Variants in PCDH11Y observed in about 807,000 individuals in gnomAD.
PCDH11Y encodes protocadherin 11 Y-linked.
For missense variants in PCDH11Y, 12 were observed against 224.8 expected (o/e 0.05, Z 6.05); for synonymous variants, 9 against 83.6 (o/e 0.11, Z 4.87).
intron 4 of PCDH11Y, among the ~76,000 whole-genome samples, chrY:5,633,034 T>C: frequency 6.2e-5 from 2 of 32,058 alleles, no homozygotes; most frequent in Non-Finnish European, 1.5e-4. Context: ...TTTAGAACAC[T>C]TTTCCTCACC....
At chrY:5,461,395 A>G in intron 2 of PCDH11Y, among the ~76,000 whole-genome samples, 1 of 33,342 alleles carries the variant, frequency 3.0e-5, no homozygotes, top group African/African-American at 1.2e-4. Flanking sequence ...TCAATAAGTA[A>G]TTTAAGAAAT....
intron 2 of PCDH11Y, among the ~76,000 whole-genome samples, chrY:5,294,592 TTGCATAAACAAA>T (rs2053071033): frequency 3.9e-5 from 1 of 25,808 alleles, no homozygotes; most frequent in Non-Finnish European, 7.9e-5. Flanking sequence ...ATAACACTGA[TTGCATAAACAAA>T]CATGCAAAAA....
intron 3 of PCDH11Y, among the ~76,000 whole-genome samples, chrY:5,557,868 AT>A (rs1336066625): frequency 1.7e-4 from 5 of 29,143 alleles, no homozygotes; most frequent in Non-Finnish European, 4.2e-4. Flanking sequence ...AGTCTGTTGG[AT>A]TTTTTTTTTA....
intron 2 of PCDH11Y, among the ~76,000 whole-genome samples, chrY:5,328,500 T>A (rs775883395): frequency 0.11 from 3,615 of 32,603 alleles, no homozygotes; most frequent in Non-Finnish European, 0.18. Context: ...ATATTGAGAA[T>A]AAGATGGCCT....
chrY:5,247,775 A>G (rs2052998411), intron 2 of PCDH11Y, among the ~76,000 whole-genome samples: 28 of 31,887 alleles, frequency 8.8e-4, no homozygotes, highest in African/African-American at 3.3e-3. Context: ...CCTCCAAAAC[A>G]TCAATGAATC....
At chrY:5,597,559 A>G (rs2124699179) in intron 4 of PCDH11Y, among the ~76,000 whole-genome samples, 1 of 28,309 alleles carries the variant, frequency 3.5e-5, no homozygotes, top group South Asian at 7.9e-4. Context: ...CTATTAATTT[A>G]TTATTTTTTC....
At chrY:5,428,068 C>A (rs372242000) in intron 2 of PCDH11Y, among the ~76,000 whole-genome samples, 1 of 32,268 alleles carries the variant, frequency 3.1e-5, no homozygotes, top group Admixed American at 2.9e-4. Context: ...AGTAAAAATA[C>A]GGTATAAAAA....
intron 2 of PCDH11Y, among the ~76,000 whole-genome samples, chrY:5,410,109 T>A: frequency 3.0e-5 from 1 of 33,321 alleles, no homozygotes; most frequent in Non-Finnish European, 7.3e-5. Flanking sequence ...GGCTCATGCC[T>A]GTAAGCCCAG....
intron 4 of PCDH11Y, among the ~76,000 whole-genome samples, chrY:5,699,770 T>A: frequency 3.0e-5 from 1 of 33,536 alleles, no homozygotes; most frequent in Non-Finnish European, 7.4e-5. Context: ...ACAACCCAAG[T>A]GGCTGCCGAG....
chrY:5,068,743 G>C (rs2052693131), intron 1 of PCDH11Y, among the ~76,000 whole-genome samples: 1 of 31,568 alleles, frequency 3.2e-5, no homozygotes, highest in Non-Finnish European at 7.6e-5. Context: ...CAGGCCCAGC[G>C]TTTTTTGTAC....
rs573746557 is a variant in PCDH11Y, at chrY:5,724,045, C to A, written c.3353-13227C>A. ...ATAATAGTTAGATATTTCTATATTT[C>A]TTTTTCAATAATGGAACAACTAGGC... is the stretch of plus-strand genomic sequence containing the variant. On this transcript the variant is annotated intron_variant, in intron 4 of 4. Transcript: ENST00000400457. 4.5e-3 allele frequency among the ~76,000 whole-genome samples: 155 copies of A among 34,088 alleles called. No individual in the cohort carries two copies. The South Asian group carries it at 0.1, about 22-fold the overall frequency. The allele number at this position is 34,088 out of a possible 37,273, so 91.5% of individuals were successfully genotyped here.
intron 2 of PCDH11Y, among the ~76,000 whole-genome samples, chrY:5,245,252 G>A: frequency 3.1e-5 from 1 of 32,384 alleles, no homozygotes; most frequent in Non-Finnish European, 7.6e-5. Context: ...CCAAGAAACA[G>A]TCAAAGTGCT....
At chrY:5,525,943 CTGTG>C (rs752117151) in intron 3 of PCDH11Y, among the ~76,000 whole-genome samples, 64 of 28,355 alleles carry the variant, frequency 2.3e-3, no homozygotes, top group Middle Eastern at 0.017. Context: ...CTCTCTCTCT[CTGTG>C]TGTGTGTGTG....
chrY:5,174,173 T>TAC (rs1208512882), intron 2 of PCDH11Y, among the ~76,000 whole-genome samples: 1 of 21,591 alleles, frequency 4.6e-5, no homozygotes, highest in Non-Finnish European at 9.9e-5. Context: ...TATATATATA[T>TAC]ACAAACACAT....
chrY:5,519,521 C>G, intron 3 of PCDH11Y, among the ~76,000 whole-genome samples: 1 of 31,269 alleles, frequency 3.2e-5, no homozygotes. Flanking sequence ...GTGTTGATGT[C>G]TTGTTTTGTT....
intron 2 of PCDH11Y, among the ~76,000 whole-genome samples, chrY:5,255,656 C>A: frequency 3.0e-5 from 1 of 33,125 alleles, no homozygotes; most frequent in Non-Finnish European, 7.4e-5. Context: ...AATTTACATT[C>A]CCACTAACAG....
chrY:5,064,761 T>C, intron 1 of PCDH11Y, among the ~76,000 whole-genome samples: 1 of 25,833 alleles, frequency 3.9e-5, no homozygotes, highest in Admixed American at 3.7e-4. Flanking sequence ...CAGGCTAGAG[T>C]GCAGTGGCAC....
At chrY:5,612,951 C>T (rs2053489278) in intron 4 of PCDH11Y, among the ~76,000 whole-genome samples, 1 of 28,678 alleles carries the variant, frequency 3.5e-5, no homozygotes. Flanking sequence ...CTGCAACTTC[C>T]TCCTCTCAGG....
chrY:5,359,046 CAAAAAAA>C (rs1292446971), intron 2 of PCDH11Y, among the ~76,000 whole-genome samples: 1 of 3,712 alleles, frequency 2.7e-4, no homozygotes, highest in African/African-American at 1.1e-3. Context: ...ACAAAACAAG[CAAAAAAA>C]AAAAAAAAAA....
Sources: allele counts gnomAD v4.1 joint callset (sites outside exome capture counted in the v4.1 genomes callset), GRCh38; gene constraint gnomAD v4.1.1; transcripts MANE v1.5; gene names NCBI Gene and HGNC (gene_info 2026-07-23, HGNC 2026-07-21).